The following VWF variants were observed in gnomAD, a reference collection of about 807,000 sequenced individuals.
The protein encoded by VWF is Factor VIII related antigen.
VWF carries 176 observed loss-of-function variants against 308.6 expected under a neutral mutation model. The observed-to-expected ratio is 0.57, with a 90% CI of 0.50 to 0.65. The LOEUF is 0.65. VWF is among the 30% of genes least tolerant of loss of function. The pLI, the probability that VWF is intolerant of heterozygous loss-of-function variation, is 0.00. For missense variants in VWF, 3,146 were observed against 3,648.2 expected (o/e 0.86, Z 3.55); for synonymous variants, 1,385 against 1,443.4 (o/e 0.96, Z 0.92).
At chr12:6,004,017 G>A (rs1943901956) in intron 34 of VWF, among the ~76,000 whole-genome samples, 3 of 151,836 alleles carry the variant, frequency 2.0e-5, no homozygotes, top group Non-Finnish European at 4.4e-5. Context: ...GGGTTTCACC[G>A]TGTGTTAGCC....
intron 20 of VWF, among the ~76,000 whole-genome samples, chr12:6,032,734 C>A (rs954450529): frequency 2.0e-5 from 3 of 151,570 alleles, no homozygotes; most frequent in African/African-American, 7.3e-5. Flanking sequence ...ACACACACAC[C>A]CACACACACA....
intron 34 of VWF, among the ~76,000 whole-genome samples, chr12:5,997,881 G>A (rs898536461): frequency 1.3e-5 from 2 of 152,038 alleles, no homozygotes; most frequent in Non-Finnish European, 2.9e-5. Context: ...AAGTTAGGCC[G>A]AACCAATTAA....
intron 5 of VWF, among the ~76,000 whole-genome samples, chr12:6,108,425 A>G (rs1945268629): frequency 1.3e-5 from 2 of 151,752 alleles, no homozygotes; most frequent in Admixed American, 1.3e-4. Context: ...CATTATAGAA[A>G]AATTTAGCTC....
chr12:5,985,660 C>T lies in VWF; in HGVS notation c.6804G>A (p.Leu2268=). ...IGEDGVQHQF[L]EAWVPDHQPC... ...GCTGGTGGTCCGGGACCCAGGCTTCCAGGAACTGAGGGCAAAGCGAGGTTC... is the reference window on the plus strand; with the variant it reads ...GCTGGTGGTCCGGGACCCAGGCTTCTAGGAACTGAGGGCAAAGCGAGGTTC... Residue 2268 remains leucine, a synonymous_variant, in exon 39 of 52, where the codon CTG becomes CTA. Transcript: ENST00000261405. 6.2e-7 allele frequency: 1 copy of T among 1,614,082 alleles called. No individual in the cohort carries two copies. Among genetic ancestry groups the T allele is most frequent in the Non-Finnish European group, 8.5e-7 (1 of 1,180,032 alleles).
chr12:6,122,260 G>A (rs1485779725), intron 2 of VWF, among the ~76,000 whole-genome samples: 1 of 152,090 alleles, frequency 6.6e-6, no homozygotes, highest in African/African-American at 2.4e-5. Context: ...ATTTTTCCAT[G>A]TTTTAATATT....
At chr12:6,089,713 T>A (rs1945010253) in intron 6 of VWF, among the ~76,000 whole-genome samples, 1 of 152,106 alleles carries the variant, frequency 6.6e-6, no homozygotes, top group African/African-American at 2.4e-5. Flanking sequence ...GTCAAGTACT[T>A]ACTCTGCACT....
rs769299722 is a variant in VWF, at chr12:6,016,510, C to T, written c.5311+6G>A. On this transcript the variant is annotated splice_donor_region_variant and intron_variant, in intron 30 of 51. Coordinates refer to ENST00000261405, the MANE Select transcript of VWF (RefSeq NM_000552.5). ...TTCTGCATCCAGCCTGTGGCACCAA[C>T]GTTACCGATTTGGCTGGGGCCTCCC... 19 of 1,613,468 alleles carry T rather than the reference C, an allele frequency of 1.2e-5. No individual in the cohort carries two copies. The highest frequency in any genetic ancestry group is 2.2e-5 in the East Asian group (1 of 44,876).
At chr12:6,059,335 C>T (rs141194727) in intron 13 of VWF, among the ~76,000 whole-genome samples, 65 of 152,316 alleles carry the variant, frequency 4.3e-4, no homozygotes, top group African/African-American at 1.5e-3. Context: ...TATTGTCTGT[C>T]TCTCTCCATT....
At position 5,952,280 on chromosome 12, in the gene VWF, G is replaced by A. The variant is rs1179789118; in HGVS notation, c.8115+111C>T. 24 of 1,442,098 alleles carry A rather than the reference G, an allele frequency of 1.7e-5. 2 individuals are homozygous for A. In the South Asian group the frequency reaches 2.0e-4, roughly 12 times the overall value. The allele number at this position is 1,442,098 out of a possible 1,614,324, so 89.3% of individuals were successfully genotyped here. A position where few individuals can be genotyped will look rare whatever the true frequency, so the allele number is the denominator to read the frequency against. ...TCACTGATTCTTCAACTAGGCCAGA[G>A]ATGTGCCTCAGACACTGAGAAATTA... On this transcript the variant is annotated intron_variant, in intron 49 of 51. Transcript: ENST00000261405.
chr12:6,046,613 TG>T lies in VWF; in HGVS notation c.2281+109del. The T allele has an allele frequency of 3.6e-6, 4 of 1,118,026 alleles. No individual in the cohort carries two copies. The East Asian group carries it at 7.2e-5, about 20-fold the overall frequency. The allele number at this position is 1,118,026 out of a possible 1,614,324, so 69.3% of individuals were successfully genotyped here. ...TCCTGGGCGAAGCCAGACCCATGCC[TG>T]GGTGCACACGCACATCTGACGGTGT... On this transcript the variant is annotated intron_variant, in intron 17 of 51. Transcript: ENST00000261405. The surrounding 1 kb of genome is among the most constrained non-coding windows in gnomAD (Gnocchi z 5.0).
chr12:6,011,207 C>G (rs1943989131), intron 34 of VWF, among the ~76,000 whole-genome samples: 1 of 152,174 alleles, frequency 6.6e-6, no homozygotes, highest in Admixed American at 6.5e-5. Flanking sequence ...TCCAGGCCGC[C>G]TTGGTGATGT....
At chr12:6,076,753 A>G (rs943196403) in intron 6 of VWF, among the ~76,000 whole-genome samples, 1 of 152,232 alleles carries the variant, frequency 6.6e-6, no homozygotes, top group Non-Finnish European at 1.5e-5. Flanking sequence ...GGGAAATTCA[A>G]TCAGCTTGAA....
At chr12:6,016,061 A>C in intron 31 of VWF, 28 bp downstream of exon 31, 5 of 1,613,854 alleles carry the variant, frequency 3.1e-6, no homozygotes, top group Non-Finnish European at 4.2e-6. Flanking sequence ...CGCTCTCCTG[A>C]ATTGAGGACT....
At chr12:5,980,427 T>G (rs2136369530) in intron 42 of VWF, among the ~76,000 whole-genome samples, 1 of 152,298 alleles carries the variant, frequency 6.6e-6, no homozygotes, top group Non-Finnish European at 1.5e-5. Flanking sequence ...GAACACATTA[T>G]GCAATACCAT....
At chr12:6,068,806 T>C (rs918709806) in intron 10 of VWF, among the ~76,000 whole-genome samples, 5 of 150,340 alleles carry the variant, frequency 3.3e-5, no homozygotes, top group Admixed American at 2.0e-4. Context: ...CATTTTTTTT[T>C]CTTTTTCTTC....
intron 3 of VWF, among the ~76,000 whole-genome samples, chr12:6,119,244 G>A (rs1024231432): frequency 4.6e-5 from 7 of 152,128 alleles, no homozygotes; most frequent in African/African-American, 1.7e-4. Flanking sequence ...TCAAAGTCTG[G>A]TTACCCACCC....
In VWF at chr12:6,071,327, G is replaced by A; in HGVS notation, c.1126C>T (p.Gln376Ter). Residue 376 changes from glutamine to a stop codon, truncating the protein, a stop_gained, in exon 10 of 52, where the codon CAG (glutamine) becomes TAG (stop). Transcript: ENST00000261405. LOFTEE classifies it high-confidence loss of function. ...CATTCTTCATTGCTGCAGATCCACT[G>A]GCTGTTTCGGCAAATGCTGTTGGAG... ...DCNTCICRNS[Q>*]WICSNEECPG... 1 of 1,614,164 alleles carries A rather than the reference G, an allele frequency of 6.2e-7. No homozygotes were observed. Among genetic ancestry groups the A allele is most frequent in the Non-Finnish European group, 8.5e-7 (1 of 1,180,026 alleles).
At position 6,062,814 on chromosome 12, in the gene VWF, C is replaced by G. The variant is rs1225778149; in HGVS notation, c.1533+140G>C. The G allele has an allele frequency of 7.2e-6, 5 of 695,900 alleles. No individual in the cohort carries two copies. The East Asian group carries it at 1.1e-4, about 15-fold the overall frequency. 43.1% of individuals were successfully genotyped at this position (695,900 alleles called of 1,614,324 possible). A position where few individuals can be genotyped will look rare whatever the true frequency, so the allele number is the denominator to read the frequency against. Reference sequence around the variant, plus strand: ...ACACCAGCCTCATAAACAAGAGAGGCCTGTTTCTCGCTCTGGGGGTGTAGG... The same window carrying G: ...ACACCAGCCTCATAAACAAGAGAGGGCTGTTTCTCGCTCTGGGGGTGTAGG... On this transcript the variant is annotated intron_variant, in intron 13 of 51. Transcript: ENST00000261405.
chr12:6,045,606 T>G (rs1276590443), intron 17 of VWF, among the ~76,000 whole-genome samples: 2 of 152,134 alleles, frequency 1.3e-5, no homozygotes, highest in Admixed American at 6.5e-5. Flanking sequence ...CTCGGGATCT[T>G]GCCCCAGCTC....
Sources: allele counts gnomAD v4.1 joint callset (sites outside exome capture counted in the v4.1 genomes callset), GRCh38; gene constraint gnomAD v4.1.1; non-coding constraint Gnocchi (gnomAD v3.1); transcripts MANE v1.5; gene names NCBI Gene and HGNC (gene_info 2026-07-23, HGNC 2026-07-21).